PTCHD4: variants seen among roughly 807,000 people sequenced by gnomAD.
The protein encoded by PTCHD4 is patched domain containing 4.
In PTCHD4, 33 loss-of-function variants were observed where a neutral mutation model predicts 58.1. The observed-to-expected ratio is 0.57, with a 90% CI of 0.43 to 0.76. The LOEUF (loss-of-function observed/expected upper bound fraction) is 0.76, where lower values mean the gene tolerates loss of function less well. Ranked by LOEUF, PTCHD4 falls within the 30% of genes least tolerant of loss-of-function variation. The pLI is 0.00. For missense variants in PTCHD4, 1,058 were observed against 1,027.1 expected (o/e 1.03, Z -0.41); for synonymous variants, 478 against 409.6 (o/e 1.17, Z -2.02).
intron 4 of PTCHD4, among the ~76,000 whole-genome samples, chr6:47,980,601 T>A (rs1264359670): frequency 6.6e-6 from 1 of 152,086 alleles, no homozygotes; most frequent in African/African-American, 2.4e-5. Flanking sequence ...TTCAATGTTA[T>A]CACATCCTTT....
At chr6:47,899,551 A>T (rs1244131757) in intron 4 of PTCHD4, 13 of 979,874 alleles carry the variant, frequency 1.3e-5, no homozygotes, top group Non-Finnish European at 1.6e-5. Context: ...TTTGCATGTT[A>T]TCCTAATAAG....
At chr6:48,032,286 A>C (rs561678371) in intron 3 of PTCHD4, among the ~76,000 whole-genome samples, 1 of 152,270 alleles carries the variant, frequency 6.6e-6, no homozygotes, top group South Asian at 2.1e-4. Flanking sequence ...TCATAAAAAG[A>C]GTGGTGTTAG....
chr6:48,049,897 G>T (rs947259048), intron 3 of PTCHD4, among the ~76,000 whole-genome samples: 5 of 151,788 alleles, frequency 3.3e-5, no homozygotes, highest in Admixed American at 3.3e-4. Flanking sequence ...AAAAACTTTG[G>T]CTACCAGTTT....
At chr6:48,083,940 T>C (rs1765212698) in intron 1 of PTCHD4, among the ~76,000 whole-genome samples, 3 of 152,172 alleles carry the variant, frequency 2.0e-5, no homozygotes, top group Admixed American at 1.3e-4. Flanking sequence ...AGGACTCAGT[T>C]AAGCCACATT....
chr6:48,003,543 T>A (rs1222417690), intron 4 of PTCHD4, among the ~76,000 whole-genome samples: 3 of 152,218 alleles, frequency 2.0e-5, no homozygotes, highest in Non-Finnish European at 1.5e-5. Context: ...CTATTTCACA[T>A]CACCATTATA....
chr6:47,946,495 C>T (rs941978951), intron 4 of PTCHD4, among the ~76,000 whole-genome samples: 9 of 152,206 alleles, frequency 5.9e-5, no homozygotes, highest in Non-Finnish European at 1.2e-4. Flanking sequence ...CCCCCAATAT[C>T]AATATAATTT....
chr6:48,037,781 C>T (rs578008989), intron 3 of PTCHD4, among the ~76,000 whole-genome samples: 6 of 151,876 alleles, frequency 4.0e-5, no homozygotes, highest in African/African-American at 1.4e-4. Flanking sequence ...CTCCAATGAG[C>T]TTAACTTTTA....
At chr6:48,000,131 G>A (rs1029528687) in intron 4 of PTCHD4, among the ~76,000 whole-genome samples, 1 of 152,160 alleles carries the variant, frequency 6.6e-6, no homozygotes, top group Non-Finnish European at 1.5e-5. Flanking sequence ...CAAGATGGAG[G>A]CATCCTGGAT....
rs543433872 is a variant in PTCHD4, at chr6:47,899,513, C to T, written c.899-19577G>A. 127 of 859,976 alleles carry T rather than the reference C, an allele frequency of 1.5e-4. No homozygotes were observed. In the African/African-American group the frequency reaches 2.2e-3, roughly 15 times the overall value. The allele number at this position is 859,976 out of a possible 1,614,324, so 53.3% of individuals were successfully genotyped here. A position where few individuals can be genotyped will look rare whatever the true frequency, so the allele number is the denominator to read the frequency against. ...ATTTTATTAGGGACAGAAAATGAGT[C>T]TAGTGAGCAAGTATTTGCTGAAATA... is the stretch of plus-strand genomic sequence containing the variant. On this transcript the variant is annotated intron_variant, in intron 4 of 4. Coordinates refer to ENST00000339488, the MANE Select transcript of PTCHD4 (RefSeq NM_001384253.1).
intron 1 of PTCHD4, among the ~76,000 whole-genome samples, chr6:48,076,917 T>G (rs1765073001): frequency 6.6e-6 from 1 of 152,224 alleles, no homozygotes; most frequent in African/African-American, 2.4e-5. Context: ...CTGCTGGGAT[T>G]GCCCAACGCT....
chr6:47,940,928 C>T (rs13210626), intron 4 of PTCHD4, among the ~76,000 whole-genome samples: 1,828 of 152,300 alleles, frequency 0.012, 21 homozygotes, highest in Middle Eastern at 0.02. Flanking sequence ...CATTCCAATG[C>T]TGATCCACAG....
chr6:48,089,648 C>T (rs202106480), intron 1 of PTCHD4, among the ~76,000 whole-genome samples: 3 of 152,250 alleles, frequency 2.0e-5, no homozygotes, highest in East Asian at 3.9e-4. Context: ...TGTTCTTAAA[C>T]GTCAATCCAC....
chr6:47,887,132 C>A (rs1764218169), intron 4 of PTCHD4, among the ~76,000 whole-genome samples: 4 of 151,618 alleles, frequency 2.6e-5, no homozygotes, highest in Admixed American at 2.6e-4. Context: ...GATATTTGAA[C>A]ACATTCTTCT....
intron 3 of PTCHD4, among the ~76,000 whole-genome samples, chr6:48,036,772 C>G (rs923579031): frequency 6.6e-6 from 1 of 152,078 alleles, no homozygotes; most frequent in African/African-American, 2.4e-5. Flanking sequence ...GCTAAGGTCT[C>G]TAAGATCTAC....
Position 47,895,053 on chromosome 6 carries a change from T to A in PTCHD4, c.899-15117A>T, listed in dbSNP as rs543857091. On this transcript the variant is annotated intron_variant, in intron 4 of 4. Transcript: ENST00000339488. ...GGGAGGCTGAGGCAGGAGAATCGCT[T>A]GAACCCATGAGATGGAGGTTGCAGT... Among the ~76,000 whole-genome samples, 8 of 152,252 alleles carry A rather than the reference T, an allele frequency of 5.3e-5. No individual in the cohort carries two copies. In the East Asian group the frequency reaches 1.5e-3, roughly 29 times the overall value.
chr6:48,039,077 G>A (rs1763749757), intron 3 of PTCHD4, among the ~76,000 whole-genome samples: 2 of 152,136 alleles, frequency 1.3e-5, no homozygotes, highest in South Asian at 4.1e-4. Context: ...TAGCATACAT[G>A]CACTTGGAGA....
In PTCHD4 at chr6:48,018,702, T is replaced by G. The variant is rs190816260; in HGVS notation, c.418-9588A>C. On this transcript the variant is annotated intron_variant, in intron 3 of 4. Coordinates refer to ENST00000339488, the MANE Select transcript of PTCHD4 (RefSeq NM_001384253.1). ...TCTCTACCATTTGCTTATCAAATACTAGTATTTCCATAAAAAGCAATATTA... is the reference window on the plus strand; with the variant it reads ...TCTCTACCATTTGCTTATCAAATACGAGTATTTCCATAAAAAGCAATATTA... Among the ~76,000 whole-genome samples the G allele has an allele frequency of 1.8e-4, 27 of 152,350 alleles. No homozygotes were observed. The East Asian group carries it at 4.6e-3, about 26-fold the overall frequency.
In PTCHD4 at chr6:47,878,610, G is replaced by A. The variant is rs530425811; in HGVS notation, c.2225C>T (p.Thr742Ile). The A allele has an allele frequency of 9.9e-6, 16 of 1,613,496 alleles. No homozygotes were observed. The highest frequency in any genetic ancestry group is 1.4e-5 in the Non-Finnish European group (16 of 1,179,772). ...TTGCAAGGAGCTTTTTATACATTGT[G>A]TTCGGGTGTGCTCAGTTGCTAATAC... Reference protein sequence around the residue: ...TFVLATEHTRTQCIKSSLQDH... With the variant: ...TFVLATEHTRIQCIKSSLQDH... Residue 742 changes from threonine to isoleucine, a missense_variant, in exon 5 of 5, where the codon ACA becomes ATA. Physicochemically the swap from Thr to Ile is moderately conservative, Grantham distance 89 (BLOSUM62 -1). Coordinates refer to ENST00000339488, the MANE Select transcript of PTCHD4 (RefSeq NM_001384253.1).
At chr6:48,014,415 T>A (rs2114096852) in intron 3 of PTCHD4, among the ~76,000 whole-genome samples, 1 of 152,258 alleles carries the variant, frequency 6.6e-6, no homozygotes, top group Admixed American at 6.5e-5. Context: ...TGGACAGAAC[T>A]TCCTTGAAGT....
Sources: gnomAD v4.1 joint callset for allele counts (sites outside exome capture counted in the v4.1 genomes callset) on GRCh38, gnomAD v4.1.1 for gene constraint, MANE v1.5 for transcripts, NCBI Gene and HGNC (gene_info 2026-07-23, HGNC 2026-07-21) for gene names.